The following ZNF581 variants were observed in gnomAD, a reference collection of about 807,000 sequenced individuals.
The protein encoded by ZNF581 is zinc finger protein 581.
Under a neutral mutation model 1.2 loss-of-function variants are expected in ZNF581, and 1 was observed. That is an observed-to-expected ratio of 0.83 (90% CI 0.30 to 3.95). ZNF581 has a LOEUF of 3.95. Ranked by LOEUF, ZNF581 falls within the 30% of genes most tolerant of loss-of-function variation. The pLI, the probability that ZNF581 is intolerant of heterozygous loss-of-function variation, is 0.18. For missense variants in ZNF581, 273 were observed against 274.6 expected, an observed-to-expected ratio of 0.99 and a Z score of 0.04; for synonymous variants, 105 against 109.2, an observed-to-expected ratio of 0.96 and a Z score of 0.24.
At chr19:55,638,663 G>A (rs779208206), upstream of ZNF581, among the ~76,000 whole-genome samples, 7 of 151,864 alleles carry the variant, frequency 4.6e-5, no homozygotes, top group South Asian at 2.1e-4. Flanking sequence ...ACCAAGCCCC[G>A]TCTCCAACAC....
rs908092049 is a variant in ZNF581, at chr19:55,645,393, C to T, written c.*228C>T. ...AATGAGCCCCTACACAGAATGGAGT[C>T]CTCTAGCCTAAAGATATCAGCTGTT... On this transcript the variant is annotated 3_prime_UTR_variant, in exon 2 of 2. Transcript: ENST00000270451. The T allele has an allele frequency of 4.5e-6, 2 of 444,870 alleles. No individual in the cohort carries two copies. The highest frequency in any genetic ancestry group is 2.0e-5 in the African/African-American group (1 of 50,080). 27.6% of individuals were successfully genotyped at this position (444,870 alleles called of 1,614,324 possible).
Position 55,644,302 on chromosome 19 carries a change from A to G in ZNF581, c.-19-251A>G, listed in dbSNP as rs1239578105. 6.6e-6 allele frequency among the ~76,000 whole-genome samples: 1 copy of G among 152,082 alleles called. No homozygotes were observed. The highest frequency in any genetic ancestry group is 2.4e-5 in the African/African-American group (1 of 41,406). On this transcript the variant is annotated intron_variant, in intron 1 of 1. Transcript: ENST00000270451. This position sits in a 1 kb window ranked among gnomAD's most constrained non-coding sequence, Gnocchi z 4.3. ...GAGCGAGGTCCAGGTTGTGCAGAGG[A>G]GGTCAAGAGATCCTGTGAGTACAGT...
upstream of ZNF581, chr19:55,641,278 G>T (rs990621065): frequency 4.3e-5 from 34 of 797,624 alleles, no homozygotes; most frequent in Non-Finnish European, 3.3e-5. Context: ...CGGGATGGGG[G>T]TGGGGGTCGG....
chr19:55,635,343 C>G, upstream of ZNF581: 1 of 152,262 alleles, frequency 6.6e-6, no homozygotes, highest in East Asian at 1.9e-4. Flanking sequence ...GGCTATTTCC[C>G]ATGGGAAGAC....
chr19:55,640,434 CA>C (rs1328315775), upstream of ZNF581: 1 of 985,376 alleles, frequency 1.0e-6, no homozygotes, highest in Non-Finnish European at 1.2e-6. Context: ...TCGGTGTCGC[CA>C]CATGCCTTCT....
At chr19:55,638,989 G>A (rs1982262307), upstream of ZNF581, among the ~76,000 whole-genome samples, 1 of 109,472 alleles carries the variant, frequency 9.1e-6, no homozygotes, top group African/African-American at 3.6e-5. Context: ...CTGGGCAACA[G>A]AGCAAGACTC....
chr19:55,643,260 A>T, upstream of ZNF581: 1 of 572,370 alleles, frequency 1.7e-6, no homozygotes, highest in Non-Finnish European at 2.7e-6. Context: ...AACCAGTCGG[A>T]ACTGGGTTCC....
chr19:55,643,631 T>G, upstream of ZNF581: 1 of 152,132 alleles, frequency 6.6e-6, no homozygotes, highest in Middle Eastern at 3.2e-3. Flanking sequence ...TAGACCCTCT[T>G]CTCTCCCTTC....
upstream of ZNF581, chr19:55,643,233 C>T (rs1177368044): frequency 5.6e-6 from 5 of 891,808 alleles, no homozygotes; most frequent in African/African-American, 3.5e-5. Context: ...AAGTCGTTGC[C>T]CCTCCCTGGG....
chr19:55,639,385 C>G (rs56151919), upstream of ZNF581, among the ~76,000 whole-genome samples: 2 of 152,122 alleles, frequency 1.3e-5, no homozygotes, highest in Non-Finnish European at 2.9e-5. Flanking sequence ...GAGGGTGAGG[C>G]TGCAGTGAGC....
upstream of ZNF581, chr19:55,643,039 G>A: frequency 7.4e-7 from 1 of 1,356,192 alleles, no homozygotes; most frequent in Non-Finnish European, 9.5e-7. Flanking sequence ...CTCGAGACCC[G>A]GCCTGTGCTG....
upstream of ZNF581, chr19:55,643,240 T>A: frequency 2.6e-6 from 2 of 783,038 alleles, no homozygotes; most frequent in Non-Finnish European, 3.6e-6. Context: ...TGCCCCTCCC[T>A]GGGCCTGGGA....
upstream of ZNF581, among the ~76,000 whole-genome samples, chr19:55,638,967 C>G (rs1319696843): frequency 7.7e-6 from 1 of 129,848 alleles, no homozygotes; most frequent in East Asian, 2.3e-4. Flanking sequence ...AATTGCGCCA[C>G]TGCACTTTAG....
chr19:55,640,453 T>C (rs769220730), upstream of ZNF581: 9 of 985,466 alleles, frequency 9.1e-6, no homozygotes, highest in East Asian at 2.3e-4. Context: ...TCTGGAAATA[T>C]CACACCTCCC....
In ZNF581 at chr19:55,645,136, C is replaced by T; in HGVS notation, c.565C>T (p.Gln189Ter). ...CCGCTTTATGGAGCAGAACACACTG[C>T]AGAAACACACGCGGTGGAAGCATCC... ...PRRFMEQNTL[Q>*]KHTRWKHP Residue 189 changes from glutamine to a stop codon, truncating the protein, a stop_gained, in exon 2 of 2, where the codon CAG becomes TAG. Coordinates refer to ENST00000270451, the MANE Select transcript of ZNF581 (RefSeq NM_016535.4). LOFTEE classifies it high-confidence loss of function. 1 of 1,520,318 alleles carries T rather than the reference C, an allele frequency of 6.6e-7. No homozygotes were observed. The highest frequency in any genetic ancestry group is 8.8e-7 in the Non-Finnish European group (1 of 1,131,302). The allele number at this position is 1,520,318 out of a possible 1,614,324, so 94.2% of individuals were successfully genotyped here.
At chr19:55,643,321 C>T (rs1051861283), upstream of ZNF581, 4 of 381,318 alleles carry the variant, frequency 1.0e-5, no homozygotes, top group Non-Finnish European at 1.9e-5. Flanking sequence ...CTCTCTAAAC[C>T]TTGGTTTTCT....
chr19:55,641,032 G>T (rs1982427113), upstream of ZNF581: 1 of 985,226 alleles, frequency 1.0e-6, no homozygotes, highest in African/African-American at 1.7e-5. Flanking sequence ...CCAACCCCTC[G>T]CACCCCCGCG....
upstream of ZNF581, chr19:55,640,202 G>T (rs898706840): frequency 1.2e-5 from 12 of 985,466 alleles, 1 homozygote; most frequent in South Asian, 3.3e-4. Context: ...AGCTGCAGCT[G>T]CCCCGAGTGC....
upstream of ZNF581, chr19:55,642,583 G>A (rs747045337): frequency 2.8e-6 from 4 of 1,442,050 alleles, no homozygotes; most frequent in Admixed American, 8.2e-5. Flanking sequence ...CGCCCCCCAA[G>A]GCTCCCCCTT....
Sources: allele counts gnomAD v4.1 joint callset (sites outside exome capture counted in the v4.1 genomes callset), GRCh38; gene constraint gnomAD v4.1.1; non-coding constraint Gnocchi (gnomAD v3.1); transcripts MANE v1.5; gene names NCBI Gene and HGNC (gene_info 2026-07-23, HGNC 2026-07-21).